DOCK6: variants seen among roughly 807,000 people sequenced by gnomAD.
DOCK6 encodes dedicator of cytokinesis protein 6.
Under a neutral mutation model 230.3 loss-of-function variants are expected in DOCK6, and 167 were observed. That is an observed-to-expected ratio of 0.73 (90% CI 0.64 to 0.82). The LOEUF (loss-of-function observed/expected upper bound fraction) is 0.82. Among genes scored for constraint, DOCK6 ranks in the 40% least tolerant of loss-of-function variants. The pLI is 0.00. For missense variants in DOCK6, 2,598 were observed against 2,825.8 expected (o/e 0.92, Z 1.83); for synonymous variants, 1,148 against 1,185.0 (o/e 0.97, Z 0.64).
chr19:11,250,450 G>A (rs2080099906), intron 6 of DOCK6, among the ~76,000 whole-genome samples: 1 of 151,792 alleles, frequency 6.6e-6, no homozygotes, highest in Non-Finnish European at 1.5e-5. Context: ...GAGTAGCTAG[G>A]ATTACAAGCA....
intron 5 of DOCK6, 54 bp from the exon 6 acceptor site, chr19:11,251,140 C>A: frequency 1.3e-6 from 2 of 1,502,484 alleles, no homozygotes. Context: ...ACCTTCACCT[C>A]ACTCTGGTGA....
At chr19:11,214,672 G>A (rs759247258) in intron 32 of DOCK6, 23 bp from the exon 33 acceptor site, 1 of 1,609,654 alleles carries the variant, frequency 6.2e-7, no homozygotes, top group Non-Finnish European at 8.5e-7. Flanking sequence ...AGGAGGTCTT[G>A]GGGGCCCACT....
intron 37 of DOCK6, among the ~76,000 whole-genome samples, chr19:11,210,257 C>T (rs1335706444): frequency 4.0e-5 from 6 of 149,096 alleles, no homozygotes; most frequent in African/African-American, 1.5e-4. Flanking sequence ...TTCACCTGTC[C>T]ACCCCTCACC....
Position 11,243,774 on chromosome 19 carries a change from G to T in DOCK6, c.1104+28C>A. Reference sequence around the variant, plus strand: ...AGCCCTGCTGAGTCAGGGATCTGTTGCCCCTAGTCCAGCCTCCACACGCTT... The same window carrying T: ...AGCCCTGCTGAGTCAGGGATCTGTTTCCCCTAGTCCAGCCTCCACACGCTT... On this transcript the variant is annotated intron_variant, in intron 10 of 47. Transcript: ENST00000294618. This position sits in a 1 kb window ranked among gnomAD's most constrained non-coding sequence, Gnocchi z 6.3. 1 of 1,613,262 alleles carries T rather than the reference G, an allele frequency of 6.2e-7. No individual in the cohort carries two copies.
At position 11,239,875 on chromosome 19, in the gene DOCK6, G is replaced by A. The variant is rs1213520511; in HGVS notation, c.1644-1571C>T. 7.5e-6 allele frequency: 12 copies of A among 1,597,428 alleles called. 1 individual carries two copies. In the South Asian group the frequency reaches 1.2e-4, roughly 17 times the overall value. ...CCGCACAATAGAACTCCTGGGGCAG[G>A]AGGTCAGCCGGGGCCGGGATGCAGC... On this transcript the variant is annotated intron_variant, in intron 14 of 47. Transcript: ENST00000294618.
At chr19:11,253,470 A>C (rs776021901) in intron 2 of DOCK6, among the ~76,000 whole-genome samples, 169 bp downstream of exon 2, 5 of 152,028 alleles carry the variant, frequency 3.3e-5, no homozygotes, top group Admixed American at 2.6e-4. Flanking sequence ...TGGTGAGACT[A>C]CTAGGACCAG....
At chr19:11,203,957 A>ACAGCCC in intron 41 of DOCK6, 124 bp downstream of exon 41, 2 of 1,330,178 alleles carry the variant, frequency 1.5e-6, no homozygotes, top group Non-Finnish European at 2.1e-6. Context: ...CCTTGTGGCC[A>ACAGCCC]CAGCCCCAGC....
chr19:11,233,006 G>A (rs915876797), intron 22 of DOCK6, among the ~76,000 whole-genome samples, 197 bp downstream of exon 22: 5 of 152,088 alleles, frequency 3.3e-5, no homozygotes, highest in Admixed American at 6.6e-5. Flanking sequence ...GGTCAGTCAC[G>A]GAGTAGAGCT....
chr19:11,252,933 G>A lies in DOCK6; in HGVS notation c.158C>T (p.Pro53Leu), dbSNP rs767376766. ...CAGAAGTACATCCTCAAAGTCCAGGGGCTCGACAACTTCAGTCAGTGGGAC... is the reference window on the plus strand; with the variant it reads ...CAGAAGTACATCCTCAAAGTCCAGGAGCTCGACAACTTCAGTCAGTGGGAC... ...LGVPLTEVVEPLDFEDVLLSR... is the reference protein window; with the variant it reads ...LGVPLTEVVELLDFEDVLLSR... The change falls in exon 3 of 48, where the codon CCC becomes CTC. Residue 53 changes from proline to leucine, a missense_variant. Physicochemically the swap from Pro to Leu is moderately conservative, Grantham distance 98 (BLOSUM62 -3). Transcript: ENST00000294618. The A allele has an allele frequency of 3.4e-5, 55 of 1,610,580 alleles. No individual in the cohort carries two copies. Among genetic ancestry groups the A allele is most frequent in the Non-Finnish European group, 3.8e-5 (45 of 1,178,556 alleles).
At chr19:11,246,461 G>C (rs1008914718) in intron 7 of DOCK6, among the ~76,000 whole-genome samples, 16 of 151,996 alleles carry the variant, frequency 1.1e-4, no homozygotes, top group Non-Finnish European at 2.9e-5. Context: ...TGTTGCCCAG[G>C]CTGAAGTGCG....
rs2147852753 is a variant in DOCK6, at chr19:11,243,473, A to C, written c.1258+84T>G. On this transcript the variant is annotated intron_variant, in intron 11 of 47. Transcript: ENST00000294618. This position sits in a 1 kb window ranked among gnomAD's most constrained non-coding sequence, Gnocchi z 6.3. Reference sequence around the variant, plus strand: ...GCACAGTTCGGCCAGCAGAGGGCGCACCCCCTCGCCCCGTAGCCCCGCCCC... The same window carrying C: ...GCACAGTTCGGCCAGCAGAGGGCGCCCCCCCTCGCCCCGTAGCCCCGCCCC... The C allele has an allele frequency of 6.5e-6, 10 of 1,543,056 alleles. No homozygotes were observed. Among genetic ancestry groups the C allele is most frequent in the Non-Finnish European group, 8.7e-6 (10 of 1,145,340 alleles).
intron 14 of DOCK6, chr19:11,239,684 C>T (rs756500046): frequency 1.9e-6 from 3 of 1,613,696 alleles, no homozygotes; most frequent in Non-Finnish European, 2.5e-6. Flanking sequence ...GCAATGGTGA[C>T]CCGGCCTGCC....
Position 11,236,542 on chromosome 19 carries a change from G to A in DOCK6, c.2196C>T (p.His732=), listed in dbSNP as rs777169104. 49 of 1,600,352 alleles carry A rather than the reference G, an allele frequency of 3.1e-5. No individual in the cohort carries two copies. The Admixed American group carries it at 5.2e-4, about 17-fold the overall frequency. ...PYLDKFFTLV[H]VLEEGAFPFR... ...ATGGGAAGGCTCCCTCCTCCAGGACGTGCACCAGGGTGAAGAATTTGTCCA... is the reference window on the plus strand; with the variant it reads ...ATGGGAAGGCTCCCTCCTCCAGGACATGCACCAGGGTGAAGAATTTGTCCA... The change falls in exon 20 of 48, where the codon CAC becomes CAT. Residue 732 remains histidine, a synonymous_variant. Coordinates refer to ENST00000294618, the MANE Select transcript of DOCK6 (RefSeq NM_020812.4). The surrounding 1 kb of genome is among the most constrained non-coding windows in gnomAD (Gnocchi z 5.2).
Position 11,238,261 on chromosome 19 carries a change from G to T in DOCK6, c.1687C>A (p.Arg563Ser). The change falls in exon 15 of 48, where the codon CGC becomes AGC. Residue 563 changes from arginine to serine, a missense_variant. Physicochemically the swap from Arg to Ser is moderately radical, Grantham distance 110 (BLOSUM62 -1). Transcript: ENST00000294618. Reference protein sequence around the residue: ...VYPHSLNFSSRQGSVRNLAVR... With the variant: ...VYPHSLNFSSSQGSVRNLAVR... ...GCAAGGTTGCGCACGGAGCCCTGGC[G>T]GCTGCTGAAGTTGAGGCTGTGCGGG... is the stretch of plus-strand genomic sequence containing the variant. The T allele has an allele frequency of 6.2e-7, 1 of 1,613,010 alleles. No homozygotes were observed. Among genetic ancestry groups the T allele is most frequent in the African/African-American group, 1.3e-5 (1 of 75,026 alleles).
At chr19:11,224,203 T>C (rs1208506957) in intron 24 of DOCK6, among the ~76,000 whole-genome samples, 2 of 147,492 alleles carry the variant, frequency 1.4e-5, no homozygotes, top group African/African-American at 2.5e-5. Flanking sequence ...TCTTTCTTTC[T>C]TTCTTTCTTT....
Position 11,222,093 on chromosome 19 carries a change from C to T in DOCK6, c.3380+16G>A. On this transcript the variant is annotated intron_variant, in intron 27 of 47. Transcript: ENST00000294618. The surrounding 1 kb of genome is among the most constrained non-coding windows in gnomAD (Gnocchi z 4.0). Reference sequence around the variant, plus strand: ...CTGTCCCACCTGTCCTGGGGCTAGACAGGAGCTCTGCTCACCCTTCAGCCT... The same window carrying T: ...CTGTCCCACCTGTCCTGGGGCTAGATAGGAGCTCTGCTCACCCTTCAGCCT... The T allele has an allele frequency of 6.2e-7, 1 of 1,611,334 alleles. No individual in the cohort carries two copies. The highest frequency in any genetic ancestry group is 8.5e-7 in the Non-Finnish European group (1 of 1,178,224).
intron 2 of DOCK6, among the ~76,000 whole-genome samples, chr19:11,253,258 A>G (rs1334948250): frequency 6.6e-6 from 1 of 152,118 alleles, no homozygotes; most frequent in African/African-American, 2.4e-5. Context: ...CAGGCAAGAG[A>G]CAATTCCTAA....
rs780104805 is a variant in DOCK6, at chr19:11,200,383, C to T, written c.6026G>A (p.Arg2009His). 77 of 1,602,622 alleles carry T rather than the reference C, an allele frequency of 4.8e-5. No individual in the cohort carries two copies. The Middle Eastern group carries it at 6.6e-4, about 14-fold the overall frequency. Residue 2009 changes from arginine to histidine, a missense_variant, in exon 47 of 48, where the codon CGC becomes CAC. Coordinates refer to ENST00000294618, the MANE Select transcript of DOCK6 (RefSeq NM_020812.4). The surrounding 1 kb of genome is among the most constrained non-coding windows in gnomAD (Gnocchi z 4.3). ...CAGGGGCTGCAGAGCCTCCCGCAGG[C>T]GGCAGTAGTTGCGCTCCAGCTCACG... ...YHRELERNYCRLREALQPLLT... is the reference protein window; with the variant it reads ...YHRELERNYCHLREALQPLLT...
chr19:11,258,440 T>C (rs115952271), intron 1 of DOCK6, among the ~76,000 whole-genome samples: 2,768 of 148,468 alleles, frequency 0.019, 84 homozygotes, highest in African/African-American at 0.063. Flanking sequence ...CTCTCTCTCT[T>C]TTTTTTTTTT....
Sources: allele counts gnomAD v4.1 joint callset (sites outside exome capture counted in the v4.1 genomes callset), GRCh38; gene constraint gnomAD v4.1.1; non-coding constraint Gnocchi (gnomAD v3.1); transcripts MANE v1.5; gene names NCBI Gene and HGNC (gene_info 2026-07-23, HGNC 2026-07-21).